FOXN3: variants seen among roughly 807,000 people sequenced by gnomAD.
The protein encoded by FOXN3 is forkhead box N3.
A neutral mutation model predicts 38.4 loss-of-function variants in FOXN3; 7 were observed. The ratio of observed to expected loss-of-function variants is 0.18; its 90% confidence interval spans 0.10 to 0.34. FOXN3 has a LOEUF of 0.34. Ranked by LOEUF, FOXN3 falls within the 10% of genes least tolerant of loss-of-function variation. The pLI is 1.00. For synonymous variants in FOXN3, 230 were observed against 242.2 expected, an observed-to-expected ratio of 0.95 and a Z score of 0.47; for missense variants, 456 against 613.4, an observed-to-expected ratio of 0.74 and a Z score of 2.71.
intron 1 of FOXN3, among the ~76,000 whole-genome samples, chr14:89,605,165 T>TA (rs902608066): frequency 1.7e-4 from 25 of 150,652 alleles, no homozygotes; most frequent in Admixed American, 4.0e-4. Flanking sequence ...TCTGTGAGAT[T>TA]AAAAAAAAAC....
At chr14:89,179,182 T>C (rs1158016795) in intron 5 of FOXN3, among the ~76,000 whole-genome samples, 1 of 152,178 alleles carries the variant, frequency 6.6e-6, no homozygotes, top group South Asian at 2.1e-4. Context: ...TTTTGGAAAA[T>C]ATCCCCTTGT....
intron 1 of FOXN3, among the ~76,000 whole-genome samples, chr14:89,537,643 T>A (rs1298727637): frequency 6.6e-6 from 1 of 152,226 alleles, no homozygotes; most frequent in Non-Finnish European, 1.5e-5. Context: ...GGGGCATCAT[T>A]CCCTTGGTTC....
chr14:89,553,689 C>G (rs1318633022), intron 1 of FOXN3, among the ~76,000 whole-genome samples: 1 of 152,082 alleles, frequency 6.6e-6, no homozygotes, highest in Non-Finnish European at 1.5e-5. Context: ...ATCCGGAAGT[C>G]AGGGAAAGGG....
intron 1 of FOXN3, among the ~76,000 whole-genome samples, chr14:89,437,236 T>C (rs1438228306): frequency 6.7e-6 from 1 of 148,614 alleles, no homozygotes; most frequent in Non-Finnish European, 1.5e-5. Flanking sequence ...GTCATGTTAA[T>C]AGAGTATTGT....
At chr14:89,594,284 T>C (rs1323199090) in intron 1 of FOXN3, among the ~76,000 whole-genome samples, 2 of 152,250 alleles carry the variant, frequency 1.3e-5, no homozygotes, top group African/African-American at 4.8e-5. Flanking sequence ...TAGGTAATGC[T>C]GATTAGTTTT....
intron 1 of FOXN3, among the ~76,000 whole-genome samples, chr14:89,532,601 G>A (rs1034538021): frequency 1.3e-5 from 2 of 152,242 alleles, no homozygotes; most frequent in African/African-American, 4.8e-5. Flanking sequence ...ACACTGCACA[G>A]CCACTGATTT....
At chr14:89,248,876 G>A (rs978706882) in intron 4 of FOXN3, among the ~76,000 whole-genome samples, 3 of 152,150 alleles carry the variant, frequency 2.0e-5, no homozygotes, top group Non-Finnish European at 4.4e-5. Context: ...TAAAATGTCA[G>A]GAATTCAACC....
At chr14:89,363,963 T>C (rs1422916596) in intron 2 of FOXN3, among the ~76,000 whole-genome samples, 2 of 27,084 alleles carry the variant, frequency 7.4e-5, no homozygotes, top group Non-Finnish European at 1.7e-4. Context: ...TATATATATA[T>C]ATATATATAT....
chr14:89,558,739 C>A (rs548858320), intron 1 of FOXN3, among the ~76,000 whole-genome samples: 4 of 152,162 alleles, frequency 2.6e-5, no homozygotes, highest in Non-Finnish European at 5.9e-5. Flanking sequence ...TTCTGGAGCT[C>A]GGACCCAGCC....
chr14:89,337,550 C>T (rs899510261), intron 3 of FOXN3, among the ~76,000 whole-genome samples: 7 of 152,092 alleles, frequency 4.6e-5, no homozygotes, highest in Non-Finnish European at 1.0e-4. Flanking sequence ...AGGGAGGCTT[C>T]TTTTCAAAGG....
At position 89,360,774 on chromosome 14, in the gene FOXN3, T is replaced by TCCAGCACCACCTCCAGCACCACCTCCA. The variant is rs1566966455; in HGVS notation, c.544-9967_544-9966insTGGAGGTGGTGCTGGAGGTGGTGCTGG. 2.0e-4 allele frequency among the ~76,000 whole-genome samples: 7 copies of TCCAGCACCACCTCCAGCACCACCTCCA among 34,602 alleles called. 1 individual carries two copies. Among genetic ancestry groups the TCCAGCACCACCTCCAGCACCACCTCCA allele is most frequent in the Non-Finnish European group, 3.7e-4 (7 of 19,090 alleles). The allele number at this position is 34,602 out of a possible 152,430, so 22.7% of individuals were successfully genotyped here. A position where few individuals can be genotyped will look rare whatever the true frequency, so the allele number is the denominator to read the frequency against. On this transcript the variant is annotated intron_variant, in intron 2 of 5. Coordinates refer to ENST00000557258, the MANE Select transcript of FOXN3 (RefSeq NM_005197.4). The stretch of plus-strand genomic sequence containing the variant: ...CACCACCACCTCCACCACTACCACC[T>TCCAGCACCACCTCCAGCACCACCTCCA]CCACCACCACCTCCACCACCACCAC...
intron 2 of FOXN3, among the ~76,000 whole-genome samples, chr14:89,391,305 T>A (rs556765169): frequency 6.6e-6 from 1 of 152,292 alleles, no homozygotes; most frequent in Admixed American, 6.5e-5. Context: ...CTGACAAAAG[T>A]GCCTTCAGAT....
chr14:89,566,893 C>T (rs1186590887), intron 1 of FOXN3, among the ~76,000 whole-genome samples: 1 of 151,814 alleles, frequency 6.6e-6, no homozygotes, highest in Non-Finnish European at 1.5e-5. Flanking sequence ...CCTCCTTCCC[C>T]TACCCCCTCC....
At chr14:89,188,798 C>CGA (rs1216050337) in intron 4 of FOXN3, among the ~76,000 whole-genome samples, 5 of 152,068 alleles carry the variant, frequency 3.3e-5, no homozygotes, top group Non-Finnish European at 7.4e-5. Flanking sequence ...TGATTACAAT[C>CGA]TGGTCTGTAC....
chr14:89,261,027 G>A (rs988393853), intron 4 of FOXN3, among the ~76,000 whole-genome samples: 1 of 152,168 alleles, frequency 6.6e-6, no homozygotes, highest in African/African-American at 2.4e-5. Context: ...CATGTGTGCG[G>A]ACTATCTTGA....
chr14:89,243,741 T>C (rs1464016356), intron 4 of FOXN3, among the ~76,000 whole-genome samples: 1 of 152,202 alleles, frequency 6.6e-6, no homozygotes. Context: ...ATAACAGTGC[T>C]TCAAAAAATT....
At chr14:89,258,563 C>T (rs1323285858) in intron 4 of FOXN3, among the ~76,000 whole-genome samples, 1 of 152,218 alleles carries the variant, frequency 6.6e-6, no homozygotes, top group African/African-American at 2.4e-5. Context: ...ACCTGGACCA[C>T]CTACATCTTA....
At chr14:89,349,314 A>G (rs1420234362) in intron 3 of FOXN3, among the ~76,000 whole-genome samples, 3 of 152,176 alleles carry the variant, frequency 2.0e-5, no homozygotes, top group African/African-American at 7.2e-5. Flanking sequence ...TCTCTCCTAC[A>G]GCTATATGAC....
intron 1 of FOXN3, among the ~76,000 whole-genome samples, chr14:89,487,235 G>A (rs1397154281): frequency 6.6e-6 from 1 of 152,240 alleles, no homozygotes; most frequent in East Asian, 1.9e-4. Flanking sequence ...GTTGGTACAT[G>A]AGACAGATTG....
Sources: gnomAD v4.1 joint callset for allele counts (sites outside exome capture counted in the v4.1 genomes callset) on GRCh38, gnomAD v4.1.1 for gene constraint, MANE v1.5 for transcripts, NCBI Gene and HGNC (gene_info 2026-07-23, HGNC 2026-07-21) for gene names.